Variants in GDAP2 observed in about 807,000 individuals in gnomAD.
GDAP2 encodes the protein ganglioside induced differentiation associated protein 2, also known as ganglioside-induced differentiation-associated protein 2.
A neutral mutation model predicts 67.0 loss-of-function variants in GDAP2; 51 were observed. The ratio of observed to expected loss-of-function variants is 0.76; its 90% CI spans 0.61 to 0.96. The LOEUF is 0.96. Among genes scored for constraint, GDAP2 ranks in the 40% least tolerant of loss-of-function variants. GDAP2 has a pLI of 0.00. For missense variants in GDAP2, 547 were observed against 588.3 expected, an observed-to-expected ratio of 0.93 and a Z score of 0.73; for synonymous variants, 203 against 207.3, an observed-to-expected ratio of 0.98 and a Z score of 0.18.
intron 10 of GDAP2, among the ~76,000 whole-genome samples, chr1:117,884,839 T>C (rs946258129): frequency 4.6e-5 from 7 of 151,914 alleles, no homozygotes; most frequent in Non-Finnish European, 7.4e-5. Flanking sequence ...TGTGTGTGTG[T>C]GTGTGTTCTG....
intron 5 of GDAP2, among the ~76,000 whole-genome samples, chr1:117,909,142 G>A (rs1448126437): frequency 2.0e-5 from 3 of 152,098 alleles, no homozygotes; most frequent in African/African-American, 7.2e-5. Flanking sequence ...AATGTCCTGT[G>A]CTTAAATACC....
chr1:117,911,937 A>G (rs1649868964), intron 5 of GDAP2, 57 bp downstream of exon 5: 2 of 1,019,454 alleles, frequency 2.0e-6, no homozygotes, highest in South Asian at 1.3e-5. Flanking sequence ...CACCATGCCC[A>G]GAATTTAAAA....
chr1:117,893,904 TATTC>T (rs954803902), intron 8 of GDAP2, among the ~76,000 whole-genome samples: 6 of 152,302 alleles, frequency 3.9e-5, no homozygotes, highest in African/African-American at 1.4e-4. Context: ...ATTTAAAAAA[TATTC>T]ATTAATTTAA....
At chr1:117,921,563 A>C (rs1454928648) in intron 1 of GDAP2, among the ~76,000 whole-genome samples, 1 of 152,192 alleles carries the variant, frequency 6.6e-6, no homozygotes, top group Non-Finnish European at 1.5e-5. Flanking sequence ...TTACAGGAGG[A>C]GCAAGGAGGC....
At chr1:117,922,395 C>A (rs1170035715) in intron 1 of GDAP2, among the ~76,000 whole-genome samples, 2 of 152,172 alleles carry the variant, frequency 1.3e-5, no homozygotes, top group Admixed American at 1.3e-4. Context: ...GTGAAGAAAA[C>A]ATTTCAAGCA....
chr1:117,903,007 G>A (rs1047892282), intron 6 of GDAP2, among the ~76,000 whole-genome samples: 3 of 152,056 alleles, frequency 2.0e-5, no homozygotes, highest in Non-Finnish European at 2.9e-5. Context: ...TCAAATATTT[G>A]ATTCTTTTTT....
At chr1:117,911,770 C>T (rs1410102958) in intron 5 of GDAP2, among the ~76,000 whole-genome samples, 5 of 146,068 alleles carry the variant, frequency 3.4e-5, no homozygotes, top group African/African-American at 1.3e-4. Flanking sequence ...AAAAAAAAAC[C>T]TTTTTTTTTT....
At chr1:117,904,655 T>G (rs1350797348) in intron 6 of GDAP2, among the ~76,000 whole-genome samples, 1 of 152,244 alleles carries the variant, frequency 6.6e-6, no homozygotes, top group East Asian at 1.9e-4. Context: ...GCCACGGCAC[T>G]GTGGTGCATA....
At chr1:117,876,308 C>T (rs1227367259) in intron 13 of GDAP2, among the ~76,000 whole-genome samples, 1 of 152,116 alleles carries the variant, frequency 6.6e-6, no homozygotes, top group Non-Finnish European at 1.5e-5. Context: ...ACCATGAGAT[C>T]CCTGCACATA....
intron 13 of GDAP2, among the ~76,000 whole-genome samples, chr1:117,872,111 A>G (rs1389691752): frequency 6.6e-6 from 1 of 152,248 alleles, no homozygotes; most frequent in Non-Finnish European, 1.5e-5. Context: ...ACTGATCATT[A>G]GAGAAATGCA....
intron 8 of GDAP2, among the ~76,000 whole-genome samples, chr1:117,892,213 G>A (rs578084568): frequency 1.3e-5 from 2 of 151,966 alleles, no homozygotes; most frequent in African/African-American, 4.8e-5. Context: ...TGATTATTTA[G>A]TCATTATTTT....
chr1:117,917,782 T>A (rs1362316905), intron 3 of GDAP2, among the ~76,000 whole-genome samples: 1 of 152,350 alleles, frequency 6.6e-6, no homozygotes, highest in East Asian at 1.9e-4. Context: ...CATACACACA[T>A]GCCATTAGGA....
rs879178235 is a variant in GDAP2 at position 117,881,657 on chromosome 1, A to T, written c.1302+166T>A. ...GGTTGCCCACAAAGGCGCTGGAGTC[A>T]CATACAACCAAAACATCAGGACCAC... On this transcript the variant is annotated intron_variant, in intron 12 of 13. Transcript: ENST00000369443. Among the ~76,000 whole-genome samples, 3 of 152,200 alleles carry T rather than the reference A, an allele frequency of 2.0e-5. No homozygotes were observed. In the South Asian group the frequency reaches 6.2e-4, roughly 31 times the overall value.
chr1:117,916,582 C>T (rs983285980), intron 3 of GDAP2, among the ~76,000 whole-genome samples: 19 of 152,168 alleles, frequency 1.2e-4, no homozygotes, highest in African/African-American at 4.6e-4. Context: ...GAGGATATGG[C>T]TGTAGTCTAG....
chr1:117,875,953 T>C (rs1648439922), intron 13 of GDAP2, among the ~76,000 whole-genome samples: 1 of 152,116 alleles, frequency 6.6e-6, no homozygotes, highest in South Asian at 2.1e-4. Context: ...AGATGAGACT[T>C]TGGATTTCTG....
rs1169857564 is a variant in GDAP2, at chr1:117,901,594, G to A, written c.637-2378C>T. Among the ~76,000 whole-genome samples the A allele has an allele frequency of 8.5e-5, 13 of 152,164 alleles. No homozygotes were observed. The East Asian group carries it at 2.5e-3, about 29-fold the overall frequency. ...GTGAAGTGGTATCCATAGTGGTTTT[G>A]ACTTGTATTTCTCTAATGGTTAATG... On this transcript the variant is annotated intron_variant, in intron 6 of 13. Transcript: ENST00000369443.
intron 4 of GDAP2, 92 bp from the exon 5 acceptor site, chr1:117,912,174 T>C: frequency 7.9e-6 from 6 of 759,826 alleles, no homozygotes; most frequent in Non-Finnish European, 1.4e-5. Context: ...TAGCTCAACT[T>C]CTCCTTTCCT....
chr1:117,886,753 G>T, intron 9 of GDAP2, 100 bp from the exon 10 acceptor site: 2 of 713,584 alleles, frequency 2.8e-6, no homozygotes, highest in South Asian at 3.6e-5. Context: ...GAATTTAAAA[G>T]ATTGAAAACA....
At chr1:117,883,679 T>C in intron 10 of GDAP2, 52 bp from the exon 11 acceptor site, 2 of 1,357,890 alleles carry the variant, frequency 1.5e-6, no homozygotes, top group East Asian at 4.7e-5. Context: ...CAGTAGTCTA[T>C]TTCACAGAGA....
Sources: allele counts gnomAD v4.1 joint callset (sites outside exome capture counted in the v4.1 genomes callset), GRCh38; gene constraint gnomAD v4.1.1; transcripts MANE v1.5; gene names NCBI Gene and HGNC (gene_info 2026-07-23, HGNC 2026-07-21).